KCNH8: variants seen among roughly 807,000 people sequenced by gnomAD.
The protein encoded by KCNH8 is voltage-gated delayed rectifier potassium channel KCNH8.
In KCNH8, 70 loss-of-function variants were observed where a neutral mutation model predicts 103.6. That is an observed-to-expected ratio of 0.68 (90% CI 0.56 to 0.82). The LOEUF is 0.82. Ranked by LOEUF, KCNH8 falls within the 40% of genes least tolerant of loss-of-function variation. KCNH8 has a pLI of 0.00. For synonymous variants in KCNH8, 498 were observed against 489.4 expected (o/e 1.02, Z -0.23); for missense variants, 1,217 against 1,329.9 (o/e 0.92, Z 1.32).
intron 3 of KCNH8, among the ~76,000 whole-genome samples, chr3:19,306,955 A>G (rs1180244441): frequency 6.6e-6 from 1 of 152,072 alleles, no homozygotes; most frequent in Non-Finnish European, 1.5e-5. Context: ...GTATTACACT[A>G]GCAGACCTCA....
intron 1 of KCNH8, among the ~76,000 whole-genome samples, chr3:19,252,643 C>T (rs2064294096): frequency 6.6e-6 from 1 of 152,066 alleles, no homozygotes; most frequent in South Asian, 2.1e-4. Flanking sequence ...CCACCTTGGC[C>T]TCCCAAAGTG....
chr3:19,253,960 G>A (rs1280865552), intron 2 of KCNH8, 73 bp downstream of exon 2: 11 of 1,022,888 alleles, frequency 1.1e-5, no homozygotes, highest in African/African-American at 3.2e-5. Context: ...TAATTGCTCC[G>A]CAACTCCCAT....
chr3:19,483,844 T>C (rs1423764563), intron 11 of KCNH8, among the ~76,000 whole-genome samples: 7 of 152,104 alleles, frequency 4.6e-5, no homozygotes, highest in African/African-American at 1.2e-4. Flanking sequence ...AGGAGTTACA[T>C]TGTCCCTTAG....
chr3:19,387,958 A>T (rs2066381034), intron 5 of KCNH8, among the ~76,000 whole-genome samples: 1 of 151,492 alleles, frequency 6.6e-6, no homozygotes. Flanking sequence ...CAGAAGTCTG[A>T]ACCACTATTT....
At chr3:19,358,264 T>C (rs2125327360) in intron 5 of KCNH8, among the ~76,000 whole-genome samples, 1 of 148,708 alleles carries the variant, frequency 6.7e-6, no homozygotes, top group East Asian at 2.0e-4. Flanking sequence ...TCTCTCTCTT[T>C]TTTTCCTTCT....
intron 1 of KCNH8, among the ~76,000 whole-genome samples, chr3:19,252,623 C>T (rs539615965): frequency 2.6e-5 from 4 of 152,112 alleles, no homozygotes; most frequent in South Asian, 2.1e-4. Flanking sequence ...CTCCTGACCT[C>T]GTGATCCACC....
At chr3:19,240,892 G>T (rs2064132465) in intron 1 of KCNH8, among the ~76,000 whole-genome samples, 1 of 152,042 alleles carries the variant, frequency 6.6e-6, no homozygotes, top group Non-Finnish European at 1.5e-5. Flanking sequence ...AAATGCCTCA[G>T]ATATGACCAC....
intron 11 of KCNH8, among the ~76,000 whole-genome samples, chr3:19,470,714 G>A (rs551735014): frequency 5.3e-5 from 8 of 152,288 alleles, no homozygotes; most frequent in African/African-American, 1.9e-4. Context: ...GGTAGGCAGA[G>A]GTAGCTGCTG....
At chr3:19,358,581 GTT>G (rs2065910261) in intron 5 of KCNH8, among the ~76,000 whole-genome samples, 1 of 151,866 alleles carries the variant, frequency 6.6e-6, no homozygotes, top group South Asian at 2.1e-4. Flanking sequence ...AAACAATATT[GTT>G]TCAATGGACT....
chr3:19,340,063 C>T (rs1359568170), intron 3 of KCNH8, among the ~76,000 whole-genome samples: 1 of 151,936 alleles, frequency 6.6e-6, no homozygotes, highest in Non-Finnish European at 1.5e-5. Context: ...GTTTTCTCGT[C>T]TGTAAATGGA....
chr3:19,435,717 TC>T (rs1465510012), intron 7 of KCNH8, among the ~76,000 whole-genome samples: 1 of 152,232 alleles, frequency 6.6e-6, no homozygotes, highest in East Asian at 1.9e-4. Context: ...AACAAGCTTA[TC>T]TTTTACTAGG....
At chr3:19,460,143 C>T (rs2067599708) in intron 11 of KCNH8, among the ~76,000 whole-genome samples, 1 of 152,132 alleles carries the variant, frequency 6.6e-6, no homozygotes, top group Non-Finnish European at 1.5e-5. Context: ...CAACTTAATG[C>T]TGACCATAGT....
At chr3:19,198,457 A>G (rs1242464714) in intron 1 of KCNH8, among the ~76,000 whole-genome samples, 1 of 152,130 alleles carries the variant, frequency 6.6e-6, no homozygotes, top group East Asian at 1.9e-4. Flanking sequence ...AAGCTGGAGA[A>G]GTCACAGAGG....
At chr3:19,287,822 G>C (rs1391143765) in intron 3 of KCNH8, among the ~76,000 whole-genome samples, 1 of 152,122 alleles carries the variant, frequency 6.6e-6, no homozygotes, top group Non-Finnish European at 1.5e-5. Context: ...GTGACCTCGT[G>C]ATCCACCTGC....
chr3:19,466,648 CATTTT>C (rs1559340755), intron 11 of KCNH8, among the ~76,000 whole-genome samples: 3 of 107,746 alleles, frequency 2.8e-5, no homozygotes, highest in African/African-American at 1.0e-4. Context: ...TGTAGCAATA[CATTTT>C]TTTTTTTTTT....
At chr3:19,173,192 A>G (rs1453413025) in intron 1 of KCNH8, among the ~76,000 whole-genome samples, 1 of 152,050 alleles carries the variant, frequency 6.6e-6, no homozygotes, top group Non-Finnish European at 1.5e-5. Context: ...AACAAATGCC[A>G]TGCTGTATTT....
At chr3:19,335,868 C>A (rs1401254570) in intron 3 of KCNH8, among the ~76,000 whole-genome samples, 1 of 151,722 alleles carries the variant, frequency 6.6e-6, no homozygotes, top group Non-Finnish European at 1.5e-5. Context: ...CTTCCAAATT[C>A]ATGATCTTGT....
intron 1 of KCNH8, among the ~76,000 whole-genome samples, chr3:19,201,351 T>G (rs903186228): frequency 1.3e-5 from 2 of 151,764 alleles, no homozygotes; most frequent in African/African-American, 2.4e-5. Context: ...TTTCAAGTTT[T>G]CATTGTCATC....
At chr3:19,387,094 A>G (rs983984599) in intron 5 of KCNH8, among the ~76,000 whole-genome samples, 5 of 152,174 alleles carry the variant, frequency 3.3e-5, no homozygotes, top group Non-Finnish European at 2.9e-5. Context: ...ACCACTGGAT[A>G]GAAAACAGAG....
Sources: allele counts gnomAD v4.1 joint callset (sites outside exome capture counted in the v4.1 genomes callset), GRCh38; gene constraint gnomAD v4.1.1; transcripts MANE v1.5; gene names NCBI Gene and HGNC (gene_info 2026-07-23, HGNC 2026-07-21).